Variants in ETV7 observed in about 807,000 individuals in gnomAD.
ETV7 encodes the protein transcription factor ETV7.
Under a neutral mutation model 39.1 loss-of-function variants are expected in ETV7, and 43 were observed. The ratio of observed to expected loss-of-function variants is 1.10; its 90% CI spans 0.86 to 1.42. The LOEUF (loss-of-function observed/expected upper bound fraction) is 1.42. Ranked by LOEUF, ETV7 falls within the 40% of genes most tolerant of loss-of-function variation. The probability of loss-of-function intolerance (pLI) is 0.00; values close to 1 mark genes in which losing one functional copy is unlikely to be tolerated. For synonymous variants in ETV7, 196 were observed against 176.6 expected, an observed-to-expected ratio of 1.11 and a Z score of -0.87; for missense variants, 432 against 442.3, an observed-to-expected ratio of 0.98 and a Z score of 0.21.
At position 36,375,854 on chromosome 6, in the gene ETV7, C is replaced by T. The variant is rs1394689197; in HGVS notation, c.307+17G>A. ...CCAGGGTTCCCGCTTAGAGGAAAGC[C>T]TGTGCGTTTCCCTGACCTGAGCTGG... is the stretch of plus-strand genomic sequence containing the variant. On this transcript the variant is annotated intron_variant, in intron 3 of 7. Transcript: ENST00000340181. 4.3e-6 allele frequency: 7 copies of T among 1,613,780 alleles called. No homozygotes were observed. Among genetic ancestry groups the T allele is most frequent in the East Asian group, 2.2e-5 (1 of 44,894 alleles).
chr6:36,367,939 T>G lies in ETV7; in HGVS notation c.808-964A>C, dbSNP rs116966538. On this transcript the variant is annotated intron_variant, in intron 6 of 7. Transcript: ENST00000340181. Reference sequence around the variant, plus strand: ...AGCACAGTGTATGGCATGTAGTATATGCTCATTAAATGGGACTGCTGCTCT... The same window carrying G: ...AGCACAGTGTATGGCATGTAGTATAGGCTCATTAAATGGGACTGCTGCTCT... Among the ~76,000 whole-genome samples the G allele has an allele frequency of 2.9e-3, 447 of 152,338 alleles. 5 individuals are homozygous for G. The highest frequency in any genetic ancestry group is 0.025 in the South Asian group (121 of 4,828).
rs376843854 is a variant in ETV7 at position 36,381,160 on chromosome 6, C to T, written c.142+4374G>A. The stretch of plus-strand genomic sequence containing the variant: ...CTGGCTTCTCCCTACCTTGCAGGAT[C>T]CCCTTGCAGGAAGAATGCAGGAGGC... On this transcript the variant is annotated intron_variant, in intron 2 of 7. Coordinates refer to ENST00000340181, the MANE Select transcript of ETV7 (RefSeq NM_016135.4). 1.5e-4 allele frequency among the ~76,000 whole-genome samples: 23 copies of T among 152,286 alleles called. 1 individual carries two copies. The South Asian group carries it at 3.5e-3, about 23-fold the overall frequency.
chr6:36,365,501 C>T (rs1450504530), downstream of ETV7, among the ~76,000 whole-genome samples: 4 of 152,146 alleles, frequency 2.6e-5, no homozygotes, highest in Non-Finnish European at 5.9e-5. Flanking sequence ...CCCAGAGAGG[C>T]GGAACACCTT....
At chr6:36,378,369 C>A (rs1773482776) in intron 2 of ETV7, among the ~76,000 whole-genome samples, 1 of 151,824 alleles carries the variant, frequency 6.6e-6, no homozygotes, top group Non-Finnish European at 1.5e-5. Context: ...AAATACAAAT[C>A]TTAATAGAAG....
At chr6:36,372,426 G>T (rs1309724680) in intron 4 of ETV7, among the ~76,000 whole-genome samples, 1 of 152,102 alleles carries the variant, frequency 6.6e-6, no homozygotes, top group Non-Finnish European at 1.5e-5. Flanking sequence ...GAGCAGACAA[G>T]TGACGTGACC....
At chr6:36,383,818 G>A (rs1773766543) in intron 2 of ETV7, among the ~76,000 whole-genome samples, 1 of 152,230 alleles carries the variant, frequency 6.6e-6, no homozygotes, top group South Asian at 2.1e-4. Flanking sequence ...CAATAAATAT[G>A]AGTCATGGAA....
At chr6:36,363,280 G>T (rs1256167553), downstream of ETV7, among the ~76,000 whole-genome samples, 2 of 147,070 alleles carry the variant, frequency 1.4e-5, no homozygotes, top group Non-Finnish European at 3.0e-5. Context: ...TCTTCCTTCT[G>T]GTGGGTTCGT....
downstream of ETV7, among the ~76,000 whole-genome samples, chr6:36,361,815 G>GT (rs1179105259): frequency 1.3e-5 from 2 of 152,190 alleles, no homozygotes; most frequent in African/African-American, 4.8e-5. Flanking sequence ...TAATTGTAAT[G>GT]TAATCATGCC....
At chr6:36,372,751 T>G (rs1218714836) in intron 4 of ETV7, among the ~76,000 whole-genome samples, 5 of 122,140 alleles carry the variant, frequency 4.1e-5, no homozygotes, top group Admixed American at 1.8e-4. Flanking sequence ...GGGCTGGGGG[T>G]GTTGAGAGGC....
chr6:36,381,338 A>G (rs1318610436), intron 2 of ETV7, among the ~76,000 whole-genome samples: 1 of 152,228 alleles, frequency 6.6e-6, no homozygotes, highest in Non-Finnish European at 1.5e-5. Flanking sequence ...TTTGGACAAG[A>G]TAATTCACCT....
intron 6 of ETV7, 42 bp downstream of exon 6, chr6:36,368,887 C>G (rs764288915): frequency 6.2e-7 from 1 of 1,613,834 alleles, no homozygotes; most frequent in African/African-American, 1.3e-5. Context: ...AACTCTGTCC[C>G]CTTCTGGTTA....
At chr6:36,378,130 G>A (rs1481011752) in intron 2 of ETV7, among the ~76,000 whole-genome samples, 3 of 151,624 alleles carry the variant, frequency 2.0e-5, no homozygotes, top group African/African-American at 4.8e-5. Flanking sequence ...GCAAGTAAGT[G>A]TTCATGCACG....
intron 1 of ETV7, among the ~76,000 whole-genome samples, chr6:36,386,557 G>A (rs889981570): frequency 1.3e-5 from 2 of 152,186 alleles, no homozygotes; most frequent in East Asian, 1.9e-4. Flanking sequence ...GCCACAGCAC[G>A]GAAAGGAAAA....
At chr6:36,354,198 GTTT>G (rs35625100) in exon 8 of ETV7, 17 of 134,166 alleles carry the variant, frequency 1.3e-4, no homozygotes, top group East Asian at 2.1e-4. Context: ...CATCCTATGG[GTTT>G]TTTTTTTTTT....
At chr6:36,363,160 G>A (rs563365866), downstream of ETV7, among the ~76,000 whole-genome samples, 2 of 152,352 alleles carry the variant, frequency 1.3e-5, no homozygotes, top group East Asian at 1.9e-4. Flanking sequence ...TGGGTTCTTG[G>A]TCTCACTGAC....
At chr6:36,381,755 C>T (rs922331381) in intron 2 of ETV7, among the ~76,000 whole-genome samples, 14 of 152,238 alleles carry the variant, frequency 9.2e-5, no homozygotes, top group Admixed American at 4.6e-4. Context: ...ATACAGTTCA[C>T]GTTGTGTACT....
rs1158198554 is a variant in ETV7, at chr6:36,371,473, A to G, written c.521T>C (p.Leu174Pro). The change falls in exon 5 of 8, where the codon CTG (leucine) becomes CCG (proline). Residue 174 changes from leucine (L) to proline (P), a missense_variant. Leu to Pro is a moderately conservative substitution (Grantham distance 98). Coordinates refer to ENST00000340181, the MANE Select transcript of ETV7 (RefSeq NM_016135.4). ...CCACCTTGCCAGGCCAGGGTCATCC[A>G]GGTGGCCGAAGTTGCTGGTAAGCCC... ...DPGLTSNFGH[L>P]DDPGLARWTP... is the part of the protein sequence containing the mutation. 6 of 1,603,544 alleles carry G rather than the reference A, an allele frequency of 3.7e-6. No homozygotes were observed. In the East Asian group the frequency reaches 1.3e-4, roughly 36 times the overall value.
intron 5 of ETV7, among the ~76,000 whole-genome samples, chr6:36,369,533 T>TGG (rs1264715927): frequency 2.0e-5 from 3 of 152,146 alleles, no homozygotes; most frequent in Non-Finnish European, 2.9e-5. Context: ...AGCTCCCTAA[T>TGG]GGTGAGGCTC....
rs1773324135 is a variant in ETV7, at chr6:36,376,061, T to G, written c.143-26A>C. 3 of 1,578,618 alleles carry G rather than the reference T, an allele frequency of 1.9e-6. No homozygotes were observed. In the South Asian group the frequency reaches 3.4e-5, roughly 18 times the overall value. On this transcript the variant is annotated intron_variant, in intron 2 of 7. Coordinates refer to ENST00000340181, the MANE Select transcript of ETV7 (RefSeq NM_016135.4). ...CTGCAACCAGCAAGGACCAGTCCCA[T>G]CACTCCCCGTCGGGCCTCCTCAAAG... is the stretch of plus-strand genomic sequence containing the variant.
Sources: allele counts gnomAD v4.1 joint callset (sites outside exome capture counted in the v4.1 genomes callset), GRCh38; gene constraint gnomAD v4.1.1; transcripts MANE v1.5; gene names NCBI Gene and HGNC (gene_info 2026-07-23, HGNC 2026-07-21).